NBPF26: variants seen among roughly 807,000 people sequenced by gnomAD.
NBPF26 encodes NBPF member 26, also known as NBPF family member NBPF26.
Under a neutral mutation model 119.6 loss-of-function variants are expected in NBPF26, and 79 were observed. That is an observed-to-expected ratio of 0.66 (90% confidence interval 0.55 to 0.80). NBPF26 has a LOEUF of 0.80. Ranked by LOEUF, NBPF26 falls within the 30% of genes least tolerant of loss-of-function variation. The pLI, the probability that NBPF26 is intolerant of heterozygous loss-of-function variation, is 0.00. For missense variants in NBPF26, 800 were observed against 1,198.2 expected (o/e 0.67, Z 4.91); for synonymous variants, 299 against 457.7 (o/e 0.65, Z 4.43).
rs1485858107 is a variant in NBPF26, at chr1:120,811,540, G to A, written c.1565-346G>A. 2.1e-4 allele frequency among the ~76,000 whole-genome samples: 24 copies of A among 112,876 alleles called. 4 individuals are homozygous for A. Among genetic ancestry groups the A allele is most frequent in the Middle Eastern group, 3.8e-3 (1 of 260 alleles). 74.1% of individuals were successfully genotyped at this position (112,876 alleles called of 152,430 possible). On this transcript the variant is annotated intron_variant, in intron 9 of 29. Coordinates refer to ENST00000620612, the Ensembl canonical transcript of NBPF26. ...AGCCTGCGCGACAGAGTGAGACTCC[G>A]TCTCAAACAAAAAAACCAAAAAAGA...
At chr1:120,840,216 T>G (rs1571050002) in intron 29 of NBPF26, 134 bp from the exon 36 acceptor site, 2 of 1,284,086 alleles carry the variant, frequency 1.6e-6, no homozygotes. Flanking sequence ...GGCAATAAAT[T>G]TTTTTTTTAC....
In NBPF26 at chr1:120,763,618, T is replaced by C. The variant is rs1402798131; in HGVS notation, c.74-10T>C. The C allele has an allele frequency of 2.2e-5, 29 of 1,317,484 alleles. 7 individuals are homozygous for C. Among genetic ancestry groups the C allele is most frequent in the Non-Finnish European group, 3.0e-5 (29 of 971,910 alleles). The allele number at this position is 1,317,484 out of a possible 1,614,324, so 81.6% of individuals were successfully genotyped here. Reference sequence around the variant, plus strand: ...ACTTACTTCTAATGTGCATTTGTTTTTATTTTTAGCATTGCAGTGTCGAGA... The same window carrying C: ...ACTTACTTCTAATGTGCATTTGTTTCTATTTTTAGCATTGCAGTGTCGAGA... On this transcript the variant is annotated splice_polypyrimidine_tract_variant and intron_variant, in intron 1 of 29. Coordinates refer to ENST00000620612, the Ensembl canonical transcript of NBPF26.
intron 11 of NBPF26, 125 bp downstream of exon 11, chr1:120,814,118 T>C: frequency 1.9e-6 from 1 of 540,048 alleles, no homozygotes; most frequent in Non-Finnish European, 3.2e-6. Flanking sequence ...CATGGCAGGC[T>C]CGCTACACAC....
At chr1:120,813,026 A>G (rs1651911312) in intron 10 of NBPF26, among the ~76,000 whole-genome samples, 1 of 119,142 alleles carries the variant, frequency 8.4e-6, no homozygotes, top group Non-Finnish European at 1.6e-5. Context: ...TGGGGCACAG[A>G]GTCTTGTTGC....
rs1553273534 is a variant in NBPF26, at chr1:120,840,515, C to T, written c.4269C>T (p.Tyr1423=). ...AAGAGCATATCAGCTTCGCCCTTTA[C>T]GTGGACAATAGGTTTTTTACTTTGA... The change falls in exon 30 of 30, where the codon TAC becomes TAT. Residue 1423 remains tyrosine (Y), a synonymous_variant. Transcript: ENST00000620612. The T allele has an allele frequency of 3.7e-5, 54 of 1,475,160 alleles. 11 individuals carry two copies. The East Asian group carries it at 5.0e-4, about 14-fold the overall frequency. 91.4% of individuals were successfully genotyped at this position (1,475,160 alleles called of 1,614,324 possible).
chr1:120,801,570 C>T (rs1463088732), intron 4 of NBPF26, among the ~76,000 whole-genome samples: 92 of 90,134 alleles, frequency 1.0e-3, no homozygotes, highest in South Asian at 2.3e-3. Flanking sequence ...TGGTTTACTC[C>T]TGTAATCCCA....
chr1:120,840,652 A>T (rs1295353312), downstream of NBPF26: 31 of 1,445,700 alleles, frequency 2.1e-5, 7 homozygotes, highest in Non-Finnish European at 2.9e-5. Context: ...AGGCACGTGA[A>T]GATTTGAATG....
intron 1 of NBPF26, among the ~76,000 whole-genome samples, chr1:120,752,552 ATATTTTTTT>A (rs1368911698): frequency 1.1e-4 from 1 of 8,976 alleles, no homozygotes; most frequent in African/African-American, 6.9e-4. Flanking sequence ...ATATATATAT[ATATTTTTTT>A]TTTTTTTTTT....
In NBPF26 at chr1:120,818,789, G is replaced by A. The variant is rs1246812054; in HGVS notation, c.2423+615G>A. ...TTGTTCAGTTTCCATGTAGTTGTGC[G>A]GTTTTGAGTGAGTTTCTTAATCCTG... On this transcript the variant is annotated intron_variant, in intron 15 of 29. Transcript: ENST00000620612. Among the ~76,000 whole-genome samples, 11 of 119,386 alleles carry A rather than the reference G, an allele frequency of 9.2e-5. 2 individuals are homozygous for A. Among genetic ancestry groups the A allele is most frequent in the Admixed American group, 2.5e-4 (3 of 12,242 alleles). The allele number at this position is 119,386 out of a possible 152,430, so 78.3% of individuals were successfully genotyped here. A position where few individuals can be genotyped will look rare whatever the true frequency, so the allele number is the denominator to read the frequency against.
In NBPF26 at chr1:120,801,519, A is replaced by AT. The variant is rs1387105444; in HGVS notation, c.752-4035dup. ...CCACATCTCCATGCCTTGTATTTTC[A>AT]TTAAAAAAAAAAAAAAAAAGCATTT... On this transcript the variant is annotated intron_variant, in intron 4 of 29. Transcript: ENST00000620612. Among the ~76,000 whole-genome samples the AT allele has an allele frequency of 4.9e-5, 3 of 60,872 alleles. 1 individual carries two copies. Among genetic ancestry groups the AT allele is most frequent in the Non-Finnish European group, 9.5e-5 (3 of 31,568 alleles). 39.9% of individuals were successfully genotyped at this position (60,872 alleles called of 152,430 possible).
chr1:120,752,557 T>A (rs1651033898), intron 1 of NBPF26, among the ~76,000 whole-genome samples: 15 of 21,066 alleles, frequency 7.1e-4, no homozygotes, highest in African/African-American at 5.6e-3. Context: ...TATATATATT[T>A]TTTTTTTTTT....
chr1:120,785,272 A>G, intron 3 of NBPF26, 39 bp downstream of exon 3: 1 of 1,428,904 alleles, frequency 7.0e-7, no homozygotes, highest in Non-Finnish European at 9.4e-7. Flanking sequence ...CCCTACCTTC[A>G]GCAGATACCT....
Position 120,805,558 on chromosome 1 carries a change from C to T in NBPF26, c.754C>T (p.Pro252Ser), listed in dbSNP as rs2101489539. ...ATGTTTGGGTTTCTTCTCCCCAGTC[C>T]CTGACTCCACCTCTTCTGCCACAAA... Residue 252 changes from proline to serine, a missense_variant and splice_region_variant, in exon 5 of 30, where the codon CCT becomes TCT. Coordinates refer to ENST00000620612, the Ensembl canonical transcript of NBPF26. 8 of 1,395,052 alleles carry T rather than the reference C, an allele frequency of 5.7e-6. 1 individual carries two copies. In the East Asian group the frequency reaches 1.4e-4, roughly 24 times the overall value. The allele number at this position is 1,395,052 out of a possible 1,614,324, so 86.4% of individuals were successfully genotyped here. A position where few individuals can be genotyped will look rare whatever the true frequency, so the allele number is the denominator to read the frequency against.
intron 2 of NBPF26, among the ~76,000 whole-genome samples, chr1:120,776,100 T>G (rs1438830246): frequency 1.7e-5 from 2 of 116,350 alleles, no homozygotes; most frequent in Non-Finnish European, 3.3e-5. Context: ...ACTTTGACCT[T>G]TTGCTTCTGC....
In NBPF26 at chr1:120,780,144, A is replaced by T. The variant is rs1651347068; in HGVS notation, c.156-4830A>T. Among the ~76,000 whole-genome samples, 3 of 117,308 alleles carry T rather than the reference A, an allele frequency of 2.6e-5. No individual in the cohort carries two copies. The South Asian group carries it at 7.7e-4, about 30-fold the overall frequency. 77.0% of individuals were successfully genotyped at this position (117,308 alleles called of 152,430 possible). A position where few individuals can be genotyped will look rare whatever the true frequency, so the allele number is the denominator to read the frequency against. ...ACCAGCTGCTTAGTGGGGTTTAGGT[A>T]CTCAGGTATTCAGGGAACCTACACC... On this transcript the variant is annotated intron_variant, in intron 2 of 29. Transcript: ENST00000620612.
rs1331841096 is a variant in NBPF26, at chr1:120,812,197, C to T, written c.1774+102C>T. On this transcript the variant is annotated intron_variant, in intron 10 of 29. Coordinates refer to ENST00000620612, the Ensembl canonical transcript of NBPF26. The stretch of plus-strand genomic sequence containing the variant: ...CCATCAAAAATAATGTCATCCTCCC[C>T]GTACTTCTAGGAAAACAGAAATGGG... The T allele has an allele frequency of 6.0e-5, 52 of 869,404 alleles. 3 individuals are homozygous for T. Among genetic ancestry groups the T allele is most frequent in the East Asian group, 2.5e-4 (10 of 40,590 alleles). The allele number at this position is 869,404 out of a possible 1,614,324, so 53.9% of individuals were successfully genotyped here.
Position 120,823,752 on chromosome 1 carries a change from CTGTG to C in NBPF26, c.2640-186_2640-183del, listed in dbSNP as rs1177031452. Among the ~76,000 whole-genome samples, 789 of 73,324 alleles carry C rather than the reference CTGTG, an allele frequency of 0.011. 99 individuals are homozygous for C. The East Asian group carries it at 0.15, about 14-fold the overall frequency. 48.1% of individuals were successfully genotyped at this position (73,324 alleles called of 152,430 possible). On this transcript the variant is annotated intron_variant, in intron 17 of 29. Transcript: ENST00000620612. Reference sequence around the variant, plus strand: ...ACCTGACCAATTCACTGAGCTCGCTCTGTGTGTGTGTGTGTGTGTGTGTGTGTGT... The same window carrying C: ...ACCTGACCAATTCACTGAGCTCGCTCTGTGTGTGTGTGTGTGTGTGTGTGT...
intron 2 of NBPF26, among the ~76,000 whole-genome samples, chr1:120,777,956 A>G (rs1651316870): frequency 2.3e-5 from 2 of 87,282 alleles, no homozygotes; most frequent in Non-Finnish European, 4.0e-5. Flanking sequence ...AGAAGTTTAG[A>G]CTTGATTCTA....
At chr1:120,727,806 T>C (rs1650831850) in intron 1 of NBPF26, among the ~76,000 whole-genome samples, 1 of 117,346 alleles carries the variant, frequency 8.5e-6, no homozygotes, top group Admixed American at 8.1e-5. Context: ...TGTTTTTGTT[T>C]CCCCCCCTTT....
Sources: allele counts gnomAD v4.1 joint callset (sites outside exome capture counted in the v4.1 genomes callset), GRCh38; gene constraint gnomAD v4.1.1; transcripts MANE v1.5; gene names NCBI Gene and HGNC (gene_info 2026-07-23, HGNC 2026-07-21).